The following NXPE2 variants were observed in gnomAD, a reference collection of about 807,000 sequenced individuals.
NXPE2 encodes the protein neurexophilin and PC-esterase domain family member 2.
In NXPE2, 34 loss-of-function variants were observed where a neutral mutation model predicts 34.4. The observed-to-expected ratio is 0.99, with a 90% CI of 0.75 to 1.31. The LOEUF (loss-of-function observed/expected upper bound fraction) is 1.31, where lower values mean the gene tolerates loss of function less well. Among genes scored for constraint, NXPE2 ranks in the 40% most tolerant of loss-of-function variants. The pLI, the probability that NXPE2 is intolerant of heterozygous loss-of-function variation, is 0.00. For synonymous variants in NXPE2, 235 were observed against 231.3 expected, an observed-to-expected ratio of 1.02 and a Z score of -0.15; for missense variants, 649 against 672.5, an observed-to-expected ratio of 0.97 and a Z score of 0.39.
At chr11:114,638,932 G>A in the NXPE2 span, among the ~76,000 whole-genome samples, 1 of 150,058 alleles carries the variant, frequency 6.7e-6, no homozygotes, top group Non-Finnish European at 1.5e-5. Context: ...ACCCACTTGA[G>A]GAGGCAGTCT....
At chr11:114,561,760 C>G in the NXPE2 span, among the ~76,000 whole-genome samples, 2 of 152,046 alleles carry the variant, frequency 1.3e-5, no homozygotes, top group East Asian at 3.9e-4. Flanking sequence ...TTATGCAGAT[C>G]TTTTTATCTT....
chr11:114,611,190 C>T, the NXPE2 span, among the ~76,000 whole-genome samples: 1 of 151,544 alleles, frequency 6.6e-6, no homozygotes, highest in African/African-American at 2.4e-5. Flanking sequence ...ACCACTGCTA[C>T]CCGCTGGATA....
At chr11:114,708,400 T>G (rs1316566308), downstream of NXPE2, among the ~76,000 whole-genome samples, 1 of 152,128 alleles carries the variant, frequency 6.6e-6, no homozygotes, top group African/African-American at 2.4e-5. Flanking sequence ...AATCTTCCTC[T>G]CATTAGAAAG....
chr11:114,490,205 G>C, the NXPE2 span, among the ~76,000 whole-genome samples: 1 of 152,160 alleles, frequency 6.6e-6, no homozygotes, highest in Non-Finnish European at 1.5e-5. Context: ...TGAAATAAAA[G>C]AGGATACAAT....
At chr11:114,552,737 G>T in the NXPE2 span, 1 of 232,702 alleles carries the variant, frequency 4.3e-6, no homozygotes, top group Non-Finnish European at 7.0e-6. Flanking sequence ...GTATGGATAT[G>T]TTTCAGCAGC....
chr11:114,591,609 C>T, the NXPE2 span, among the ~76,000 whole-genome samples: 4 of 152,170 alleles, frequency 2.6e-5, no homozygotes, highest in South Asian at 2.1e-4. Context: ...GGCCATTTCT[C>T]GAGGGTATAC....
At chr11:114,737,138 A>G in the NXPE2 span, among the ~76,000 whole-genome samples, 7 of 152,284 alleles carry the variant, frequency 4.6e-5, no homozygotes, top group Non-Finnish European at 8.8e-5. Flanking sequence ...CAATAGTCCA[A>G]TTTCGATCTT....
chr11:114,607,517 G>C, the NXPE2 span, among the ~76,000 whole-genome samples: 1 of 151,744 alleles, frequency 6.6e-6, no homozygotes. Context: ...GTTTTGCCTG[G>C]TGGGTAACCA....
chr11:114,478,929 A>G, the NXPE2 span, among the ~76,000 whole-genome samples: 1 of 152,182 alleles, frequency 6.6e-6, no homozygotes, highest in African/African-American at 2.4e-5. Flanking sequence ...CCGGCAGGGA[A>G]TGAGACATTT....
At chr11:114,640,196 T>C in the NXPE2 span, among the ~76,000 whole-genome samples, 2 of 134,092 alleles carry the variant, frequency 1.5e-5, no homozygotes, top group African/African-American at 2.7e-5. Flanking sequence ...ATATAATTTA[T>C]ATATATTATA....
At chr11:114,602,738 T>C in the NXPE2 span, among the ~76,000 whole-genome samples, 3 of 144,254 alleles carry the variant, frequency 2.1e-5, no homozygotes, top group East Asian at 6.2e-4. Context: ...TCATATATAA[T>C]TAAAGAATCA....
At chr11:114,671,199 A>C in the NXPE2 span, among the ~76,000 whole-genome samples, 8 of 151,388 alleles carry the variant, frequency 5.3e-5, no homozygotes, top group Non-Finnish European at 1.2e-4. Flanking sequence ...GTCAGAAGAA[A>C]GAATCAGCAA....
At chr11:114,537,393 A>C in the NXPE2 span, among the ~76,000 whole-genome samples, 364 of 152,258 alleles carry the variant, frequency 2.4e-3, no homozygotes, top group African/African-American at 7.9e-3. Flanking sequence ...CCCTCTATCA[A>C]CACTCCTATT....
At chr11:114,746,546 C>A in the NXPE2 span, among the ~76,000 whole-genome samples, 1 of 151,970 alleles carries the variant, frequency 6.6e-6, no homozygotes, top group Admixed American at 6.6e-5. Flanking sequence ...ATTTAAGGGA[C>A]CAGGAATCAA....
chr11:114,723,572 A>G, the NXPE2 span, among the ~76,000 whole-genome samples: 1 of 152,172 alleles, frequency 6.6e-6, no homozygotes, highest in Non-Finnish European at 1.5e-5. Context: ...TCCCCTGAGC[A>G]TGCTCTAGCT....
chr11:114,725,976 A>AAAAAATATATATATATATATGT, the NXPE2 span, among the ~76,000 whole-genome samples: 1 of 101,768 alleles, frequency 9.8e-6, no homozygotes, highest in Non-Finnish European at 2.1e-5. Flanking sequence ...ATAAAAAAAA[A>AAAAAATATATATATATATATGT]ATATATATAT....
At chr11:114,667,586 G>A in the NXPE2 span, among the ~76,000 whole-genome samples, 1 of 152,228 alleles carries the variant, frequency 6.6e-6, no homozygotes, top group East Asian at 1.9e-4. Context: ...ATGGCATTGT[G>A]ATTTCCTCCT....
At chr11:114,525,103 G>A in the NXPE2 span, among the ~76,000 whole-genome samples, 2 of 151,816 alleles carry the variant, frequency 1.3e-5, no homozygotes, top group African/African-American at 4.8e-5. Context: ...TAGATCTGGG[G>A]GTAATGGTGT....
chr11:114,469,458 A>G, the NXPE2 span, among the ~76,000 whole-genome samples: 1 of 152,080 alleles, frequency 6.6e-6, no homozygotes, highest in African/African-American at 2.4e-5. Context: ...TATAATCAAC[A>G]TACAATAAAC....
Sources: gnomAD v4.1 joint callset for allele counts (sites outside exome capture counted in the v4.1 genomes callset) on GRCh38, gnomAD v4.1.1 for gene constraint, MANE v1.5 for transcripts, NCBI Gene and HGNC (gene_info 2026-07-23, HGNC 2026-07-21) for gene names.